The following TRPC4AP variants were observed in gnomAD, a reference collection of about 807,000 sequenced individuals.
TRPC4AP encodes the protein short transient receptor potential channel 4-associated protein.
A neutral mutation model predicts 99.0 loss-of-function variants in TRPC4AP; 45 were observed. The ratio of observed to expected loss-of-function variants is 0.45; its 90% confidence interval spans 0.36 to 0.58. TRPC4AP has a LOEUF of 0.58. Ranked by LOEUF, TRPC4AP falls within the 20% of genes least tolerant of loss-of-function variation. TRPC4AP has a pLI of 0.00. For synonymous variants in TRPC4AP, 408 were observed against 385.8 expected, an observed-to-expected ratio of 1.06 and a Z score of -0.67; for missense variants, 879 against 985.3, an observed-to-expected ratio of 0.89 and a Z score of 1.44.
rs1328706842 is a variant in TRPC4AP at position 35,016,005 on chromosome 20, T to C, written c.1350+3A>G. ...CATCTGTCCCCGGGGGTCTCCTGCTTACCGGGCTACAGTCACAGTTCTGGT... is the reference window on the plus strand; with the variant it reads ...CATCTGTCCCCGGGGGTCTCCTGCTCACCGGGCTACAGTCACAGTTCTGGT... On this transcript the variant is annotated splice_donor_region_variant and intron_variant, in intron 10 of 18. Coordinates refer to ENST00000252015, the MANE Select transcript of TRPC4AP (RefSeq NM_015638.3). The C allele has an allele frequency of 1.2e-6, 2 of 1,614,032 alleles. No individual in the cohort carries two copies. Among genetic ancestry groups the C allele is most frequent in the Non-Finnish European group, 1.7e-6 (2 of 1,180,000 alleles).
At chr20:35,043,605 C>G (rs1339403167) in intron 7 of TRPC4AP, among the ~76,000 whole-genome samples, 2 of 152,108 alleles carry the variant, frequency 1.3e-5, no homozygotes, top group Non-Finnish European at 2.9e-5. Context: ...CAGTGGATAC[C>G]TGAAATGGCA....
At chr20:35,086,523 ATATGTGTGTGTGTGTGTGTGTGTG>A (rs1423627153) in intron 1 of TRPC4AP, among the ~76,000 whole-genome samples, 1,307 of 99,052 alleles carry the variant, frequency 0.013, 91 homozygotes, top group African/African-American at 0.037. Flanking sequence ...GTGTGTGTAT[ATATGTGTGTGTGTGTGTGTGTGTG>A]TGTGTGTGTG....
chr20:35,035,416 A>G, intron 7 of TRPC4AP, 108 bp from the exon 8 acceptor site: 2 of 1,167,310 alleles, frequency 1.7e-6, no homozygotes, highest in Non-Finnish European at 2.4e-6. Context: ...TTACTCTGAT[A>G]GTAGCTAAAG....
chr20:35,019,065 C>T (rs2082825161), intron 9 of TRPC4AP, among the ~76,000 whole-genome samples: 1 of 152,182 alleles, frequency 6.6e-6, no homozygotes, highest in African/African-American at 2.4e-5. Context: ...TTCAATTTGG[C>T]CAAGATTGGT....
chr20:35,085,169 T>G (rs1421438829), intron 1 of TRPC4AP, among the ~76,000 whole-genome samples: 1 of 152,168 alleles, frequency 6.6e-6, no homozygotes, highest in Non-Finnish European at 1.5e-5. Flanking sequence ...AGTATGGAAC[T>G]TAGAGGTGCA....
At chr20:35,013,883 G>A (rs2082692336) in intron 10 of TRPC4AP, among the ~76,000 whole-genome samples, 1 of 152,200 alleles carries the variant, frequency 6.6e-6, no homozygotes, top group Non-Finnish European at 1.5e-5. Flanking sequence ...GCTCTGCCAT[G>A]GTGCTGCTGG....
chr20:35,019,206 C>T (rs746562922), intron 9 of TRPC4AP, among the ~76,000 whole-genome samples: 22 of 152,150 alleles, frequency 1.4e-4, no homozygotes, highest in Admixed American at 3.9e-4. Flanking sequence ...CAGATCCTCA[C>T]GGTGCCCGGC....
At chr20:35,035,658 C>G (rs996948695) in intron 7 of TRPC4AP, among the ~76,000 whole-genome samples, 1 of 152,108 alleles carries the variant, frequency 6.6e-6, no homozygotes, top group Non-Finnish European at 1.5e-5. Flanking sequence ...TAAGGAGGTT[C>G]ACTGATGTGG....
chr20:35,054,440 G>A lies in TRPC4AP; in HGVS notation c.528+536C>T, dbSNP rs569648808. Among the ~76,000 whole-genome samples, 6 of 152,186 alleles carry A rather than the reference G, an allele frequency of 3.9e-5. No individual in the cohort carries two copies. The South Asian group carries it at 1.0e-3, about 26-fold the overall frequency. On this transcript the variant is annotated intron_variant, in intron 5 of 18. Transcript: ENST00000252015. ...CTGCATTCTATTGGTAAGAAACTAC[G>A]GCTTGGGAGGTGTACTAAGCCAAGG... is the stretch of plus-strand genomic sequence containing the variant.
At chr20:35,042,391 T>C (rs1360936501) in intron 7 of TRPC4AP, among the ~76,000 whole-genome samples, 1 of 152,216 alleles carries the variant, frequency 6.6e-6, no homozygotes, top group East Asian at 1.9e-4. Context: ...GGCAGGTTCA[T>C]ATTCAGCCTC....
chr20:35,011,537 ATCAAAAT>A (rs574543365), intron 11 of TRPC4AP, among the ~76,000 whole-genome samples: 33 of 152,266 alleles, frequency 2.2e-4, no homozygotes, highest in African/African-American at 7.9e-4. Flanking sequence ...CCAGGAAAAG[ATCAAAAT>A]TCAAAATTCT....
intron 3 of TRPC4AP, among the ~76,000 whole-genome samples, chr20:35,065,964 C>T (rs550273213): frequency 1.3e-5 from 2 of 152,218 alleles, no homozygotes; most frequent in South Asian, 2.1e-4. Context: ...AGAGGGAATG[C>T]GGAGCAGCAG....
intron 17 of TRPC4AP, 131 bp downstream of exon 17, chr20:35,004,325 GCA>G (rs1405796701): frequency 4.0e-6 from 3 of 749,574 alleles, no homozygotes; most frequent in East Asian, 2.8e-5. Context: ...TTCCTCCTGA[GCA>G]CAGTCCTCAG....
chr20:35,061,670 T>C (rs1005341443), intron 3 of TRPC4AP, among the ~76,000 whole-genome samples: 25 of 152,150 alleles, frequency 1.6e-4, no homozygotes, highest in Non-Finnish European at 3.1e-4. Context: ...TGCAAAAGAA[T>C]GAAACTGGAC....
At chr20:35,031,993 G>A (rs1271991096) in intron 8 of TRPC4AP, among the ~76,000 whole-genome samples, 1 of 152,144 alleles carries the variant, frequency 6.6e-6, no homozygotes, top group Non-Finnish European at 1.5e-5. Context: ...GGGTTCAATC[G>A]ATTCTCATGC....
chr20:35,034,414 G>A (rs1174154272), intron 8 of TRPC4AP, among the ~76,000 whole-genome samples: 1 of 152,012 alleles, frequency 6.6e-6, no homozygotes, highest in Non-Finnish European at 1.5e-5. Flanking sequence ...TCAAGTATGT[G>A]GGATAGAGCT....
intron 3 of TRPC4AP, among the ~76,000 whole-genome samples, chr20:35,063,368 T>C (rs1247149983): frequency 4.6e-5 from 7 of 152,192 alleles, no homozygotes; most frequent in African/African-American, 1.2e-4. Flanking sequence ...ATGGACATTA[T>C]GGATATTTCA....
At position 35,041,801 on chromosome 20, in the gene TRPC4AP, A is replaced by T. The variant is rs564450793; in HGVS notation, c.865+2704T>A. 3.3e-5 allele frequency among the ~76,000 whole-genome samples: 5 copies of T among 152,358 alleles called. No homozygotes were observed. In the South Asian group the frequency reaches 1.0e-3, roughly 32 times the overall value. ...CGGCATACACAGGCATCCAATACAGAACCTTTCTAGCCCTCAGTTTCCTCA... is the reference window on the plus strand; with the variant it reads ...CGGCATACACAGGCATCCAATACAGTACCTTTCTAGCCCTCAGTTTCCTCA... On this transcript the variant is annotated intron_variant, in intron 7 of 18. Transcript: ENST00000252015.
intron 3 of TRPC4AP, among the ~76,000 whole-genome samples, chr20:35,061,870 T>G (rs557082714): frequency 6.6e-6 from 1 of 152,288 alleles, no homozygotes; most frequent in African/African-American, 2.4e-5. Flanking sequence ...ATTAAAGACT[T>G]TGTGTTTCAA....
Sources: gnomAD v4.1 joint callset for allele counts (sites outside exome capture counted in the v4.1 genomes callset) on GRCh38, gnomAD v4.1.1 for gene constraint, MANE v1.5 for transcripts, NCBI Gene and HGNC (gene_info 2026-07-23, HGNC 2026-07-21) for gene names.